DIDO1: variants seen among roughly 807,000 people sequenced by gnomAD.
The protein encoded by DIDO1 is death inducer-obliterator 1.
In DIDO1, 16 loss-of-function variants were observed where a neutral mutation model predicts 99.4. The observed-to-expected ratio is 0.16, with a 90% CI of 0.11 to 0.24. DIDO1 has a LOEUF of 0.24. Among genes scored for constraint, DIDO1 ranks in the 10% least tolerant of loss-of-function variants. The probability of loss-of-function intolerance (pLI) is 1.00; values close to 1 mark genes in which losing one functional copy is unlikely to be tolerated. For synonymous variants in DIDO1, 1,366 were observed against 1,239.1 expected (o/e 1.10, Z -2.15); for missense variants, 2,996 against 3,014.0 (o/e 0.99, Z 0.14).
chr20:62,928,837 A>G (rs2065294035), upstream of DIDO1: 1 of 152,288 alleles, frequency 6.6e-6, no homozygotes, highest in East Asian at 1.9e-4. Context: ...GAAAAACACG[A>G]TGGGTGCATC....
At chr20:62,916,582 A>G (rs2064775) in intron 1 of DIDO1, among the ~76,000 whole-genome samples, 10,964 of 152,312 alleles carry the variant, frequency 0.072, 499 homozygotes, top group Middle Eastern at 0.13. Flanking sequence ...AGTTATTTCT[A>G]AAACAAACAA....
At chr20:62,895,017 G>A (rs1326264274) in intron 9 of DIDO1, 32 bp downstream of exon 9, 1 of 1,596,860 alleles carries the variant, frequency 6.3e-7, no homozygotes, top group South Asian at 1.1e-5. Context: ...CTCGAGTCCT[G>A]GGTGCCTCCG....
chr20:62,919,028 A>AT (rs1157577598), intron 1 of DIDO1, among the ~76,000 whole-genome samples: 4 of 152,188 alleles, frequency 2.6e-5, no homozygotes, highest in Non-Finnish European at 5.9e-5. Flanking sequence ...GCAGCCGTTC[A>AT]TGTACCATGA....
At chr20:62,918,883 C>T (rs1381249734) in intron 1 of DIDO1, among the ~76,000 whole-genome samples, 2 of 152,060 alleles carry the variant, frequency 1.3e-5, no homozygotes, top group Non-Finnish European at 2.9e-5. Flanking sequence ...TTTAAACTAC[C>T]ACAAATGAAG....
intron 6 of DIDO1, chr20:62,904,980 C>T (rs943819509): frequency 1.1e-5 from 11 of 985,638 alleles, no homozygotes; most frequent in Non-Finnish European, 1.1e-5. Flanking sequence ...GCACAAAATG[C>T]ACTATAGACA....
chr20:62,887,128 G>A (rs6010777), intron 15 of DIDO1: 78,961 of 985,396 alleles, frequency 0.08, 3,328 homozygotes, highest in African/African-American at 0.11. Context: ...AGGGTGCACT[G>A]CGCTGGCTTA....
chr20:62,924,726 A>C (rs909002211), intron 1 of DIDO1, among the ~76,000 whole-genome samples: 1 of 152,202 alleles, frequency 6.6e-6, no homozygotes, highest in African/African-American at 2.4e-5. Flanking sequence ...CACATGCAAC[A>C]TGGGCTGGGC....
At chr20:62,914,524 A>T (rs1485448117) in intron 1 of DIDO1, 118 bp from the exon 2 acceptor site, 1 of 152,262 alleles carries the variant, frequency 6.6e-6, no homozygotes, top group African/African-American at 2.4e-5. Flanking sequence ...TGTGTGACCC[A>T]CAAAGACAGC....
At chr20:62,899,722 G>A (rs1011887720) in intron 6 of DIDO1, among the ~76,000 whole-genome samples, 3 of 152,218 alleles carry the variant, frequency 2.0e-5, no homozygotes, top group Admixed American at 2.0e-4. Flanking sequence ...TAAAGAGCAT[G>A]GAAATGGGCA....
rs761980238 is a variant in DIDO1 at position 62,881,323 on chromosome 20, G to A, written c.4633C>T (p.Pro1545Ser). 6.2e-6 allele frequency: 10 copies of A among 1,604,468 alleles called. No individual in the cohort carries two copies. The highest frequency in any genetic ancestry group is 1.3e-5 in the African/African-American group (1 of 74,932). ...TGGCTGGCGGGGGGCAGTGAGGCGG[G>A]CTTGTCTGCAGACTGCTGCTCTTGC... ...FQQEQQSADKPASLPPASQAS... is the reference protein window; with the variant it reads ...FQQEQQSADKSASLPPASQAS... Residue 1545 changes from proline to serine, a missense_variant, in exon 16 of 16, where the codon CCC becomes TCC. Pro to Ser is a moderately conservative substitution (Grantham distance 74). This residue lies in a region of DIDO1 where 1,562 missense variants were observed against 1,412.6 expected (regional missense o/e 1.11). Coordinates refer to ENST00000395343, the MANE Select transcript of DIDO1 (RefSeq NM_001193369.2). The surrounding 1 kb of genome is among the most constrained non-coding windows in gnomAD (Gnocchi z 8.3).
chr20:62,927,061 A>AC (rs11483944), upstream of DIDO1, among the ~76,000 whole-genome samples: 93,564 of 151,944 alleles, frequency 0.62, 30,655 homozygotes, highest in African/African-American at 0.84. Context: ...TGAAGACCCT[A>AC]CCTGCTGCCT....
rs1309113905 is a variant in DIDO1 at position 62,893,882 on chromosome 20, G to A, written c.2885C>T (p.Thr962Ile). Reference protein sequence around the residue: ...SCGSGVVTTVTVSGRDPRTAP... With the variant: ...SCGSGVVTTVIVSGRDPRTAP... The stretch of plus-strand genomic sequence containing the variant: ...GGTCCTGGGGTCCCGGCCGGACACT[G>A]TGACGGTGGTGACCACCCCGCTCCC... Residue 962 changes from threonine to isoleucine, a missense_variant, in exon 12 of 16, where the codon ACA becomes ATA. Thr to Ile is a moderately conservative substitution (Grantham distance 89). Coordinates refer to ENST00000395343, the MANE Select transcript of DIDO1 (RefSeq NM_001193369.2). The A allele has an allele frequency of 1.2e-6, 2 of 1,611,554 alleles. No individual in the cohort carries two copies. The highest frequency in any genetic ancestry group is 1.7e-5 in the Admixed American group (1 of 59,992).
chr20:62,933,916 T>C (rs1379010205), intron 1 of DIDO1, among the ~76,000 whole-genome samples: 1 of 152,222 alleles, frequency 6.6e-6, no homozygotes, highest in Non-Finnish European at 1.5e-5. Context: ...CTCCTCTTTC[T>C]GTTCATCTCT....
chr20:62,880,387 C>T lies in DIDO1; in HGVS notation c.5569G>A (p.Asp1857Asn). ...CCCGTCACCTCGTTATACGGGGCGT[C>T]CTGGAACTCCCTCTTCTCCCCATGG... is the stretch of plus-strand genomic sequence containing the variant. ...DPHGEKREFQDAPYNEVTGAP... is the reference protein window; with the variant it reads ...DPHGEKREFQNAPYNEVTGAP... Residue 1857 changes from aspartate to asparagine, a missense_variant, in exon 16 of 16, where the codon GAC becomes AAC. By Grantham distance (23) the Asp-to-Asn change is conservative. Transcript: ENST00000395343. 19 of 1,612,890 alleles carry T rather than the reference C, an allele frequency of 1.2e-5. No homozygotes were observed. The highest frequency in any genetic ancestry group is 1.3e-5 in the Non-Finnish European group (15 of 1,180,028).
At chr20:62,920,837 C>T (rs539539890) in intron 1 of DIDO1, among the ~76,000 whole-genome samples, 24 of 152,302 alleles carry the variant, frequency 1.6e-4, no homozygotes, top group Middle Eastern at 3.4e-3. Context: ...TCATTGTTTT[C>T]GTCATTGAAA....
intron 15 of DIDO1, among the ~76,000 whole-genome samples, chr20:62,882,914 C>A (rs1345232992): frequency 8.8e-6 from 1 of 113,786 alleles, no homozygotes; most frequent in Non-Finnish European, 1.8e-5. Flanking sequence ...TAACAAACAG[C>A]CTTTTTTTTT....
intron 2 of DIDO1, among the ~76,000 whole-genome samples, chr20:62,914,005 AAT>A (rs2064995309): frequency 1.3e-5 from 2 of 152,148 alleles, no homozygotes; most frequent in East Asian, 1.9e-4. Context: ...TTGTCCCCCA[AAT>A]ATTTCCAATC....
At chr20:62,891,563 C>T (rs1337051650) in intron 14 of DIDO1, among the ~76,000 whole-genome samples, 3 of 152,174 alleles carry the variant, frequency 2.0e-5, no homozygotes, top group Non-Finnish European at 4.4e-5. Context: ...CAGAACCGTT[C>T]AAGAGCCCAG....
At chr20:62,910,108 A>G (rs2064896755) in intron 3 of DIDO1, 88 bp from the exon 4 acceptor site, 1 of 1,368,274 alleles carries the variant, frequency 7.3e-7, no homozygotes, top group Admixed American at 2.3e-5. Flanking sequence ...TTTTAACTTC[A>G]TGAAAAAATG....
Sources: allele counts gnomAD v4.1 joint callset (sites outside exome capture counted in the v4.1 genomes callset), GRCh38; gene constraint gnomAD v4.1.1; regional missense constraint gnomAD v4.1.1; non-coding constraint Gnocchi (gnomAD v3.1); transcripts MANE v1.5; gene names NCBI Gene and HGNC (gene_info 2026-07-23, HGNC 2026-07-21).